Variants in SLC31A1 observed in about 807,000 individuals in gnomAD.
SLC31A1 encodes high affinity copper uptake protein 1.
A neutral mutation model predicts 17.2 loss-of-function variants in SLC31A1; 5 were observed. The ratio of observed to expected loss-of-function variants is 0.29; its 90% CI spans 0.15 to 0.61. The LOEUF is 0.61. Ranked by LOEUF, SLC31A1 falls within the 20% of genes least tolerant of loss-of-function variation. SLC31A1 has a pLI of 0.86. For synonymous variants in SLC31A1, 76 were observed against 78.8 expected (o/e 0.96, Z 0.19); for missense variants, 161 against 241.4 (o/e 0.67, Z 2.21).
chr9:113,244,792 C>T (rs1029935533), intron 1 of SLC31A1, among the ~76,000 whole-genome samples: 1 of 152,180 alleles, frequency 6.6e-6, no homozygotes, highest in Admixed American at 6.6e-5. Flanking sequence ...GGGATAACTA[C>T]TTTCCTGAGT....
chr9:113,263,557 T>C lies in SLC31A1; in HGVS notation c.*3084T>C, dbSNP rs1251498820. The C allele has an allele frequency of 1.3e-5, 2 of 152,668 alleles. No individual in the cohort carries two copies. The highest frequency in any genetic ancestry group is 4.8e-5 in the African/African-American group (2 of 41,448). The allele number at this position is 152,668 out of a possible 1,614,324, so 9.5% of individuals were successfully genotyped here. On this transcript the variant is annotated 3_prime_UTR_variant, in exon 5 of 5. Transcript: ENST00000374212. ...TGTTGTCCTTTCCCTTTTCTTTCAG[T>C]TTTTTTAATCGCATGTCTAGTATAT...
rs750649018 is a variant in SLC31A1 at position 113,256,241 on chromosome 9, C to T, written c.93C>T (p.His31=). The T allele has an allele frequency of 3.1e-6, 5 of 1,613,932 alleles. No homozygotes were observed. The Admixed American group carries it at 6.7e-5, about 22-fold the overall frequency. ...ATCACCCAACCACTTCAGCCTCACACTCCCATGGTGGAGGAGACAGCAGCA... is the reference window on the plus strand; with the variant it reads ...ATCACCCAACCACTTCAGCCTCACATTCCCATGGTGGAGGAGACAGCAGCA... ...SHHHPTTSAS[H]SHGGGDSSMM... is the part of the protein sequence containing the mutation. Residue 31 remains histidine, a synonymous_variant, in exon 2 of 5, where the codon CAC becomes CAT. Coordinates refer to ENST00000374212, the MANE Select transcript of SLC31A1 (RefSeq NM_001859.4).
intron 1 of SLC31A1, among the ~76,000 whole-genome samples, chr9:113,233,031 A>G (rs1387187083): frequency 6.6e-6 from 1 of 152,222 alleles, no homozygotes; most frequent in African/African-American, 2.4e-5. Context: ...GTTTAAGTGT[A>G]TACTGTCAAG....
intron 4 of SLC31A1, among the ~76,000 whole-genome samples, chr9:113,259,583 C>CTTTTTTTTTTT: frequency 8.0e-6 from 1 of 124,438 alleles, no homozygotes; most frequent in Non-Finnish European, 1.6e-5. Context: ...TTTTTTCTTT[C>CTTTTTTTTTTT]TTTTTTTTTT....
intron 1 of SLC31A1, among the ~76,000 whole-genome samples, chr9:113,229,369 ACT>A (rs946888786): frequency 6.6e-6 from 1 of 152,028 alleles, no homozygotes; most frequent in Admixed American, 6.6e-5. Context: ...ACATGAACAT[ACT>A]CTGTTTCCTT....
chr9:113,236,642 A>T (rs538281831), intron 1 of SLC31A1, among the ~76,000 whole-genome samples: 1 of 152,094 alleles, frequency 6.6e-6, no homozygotes, highest in East Asian at 1.9e-4. Flanking sequence ...GATTACAGGC[A>T]TGAGCCACCA....
At position 113,258,929 on chromosome 9, in the gene SLC31A1, G is replaced by T; in HGVS notation, c.371+67G>T. 1 of 1,507,184 alleles carries T rather than the reference G, an allele frequency of 6.6e-7. No individual in the cohort carries two copies. The highest frequency in any genetic ancestry group is 9.2e-7 in the Non-Finnish European group (1 of 1,082,994). The allele number at this position is 1,507,184 out of a possible 1,614,324, so 93.4% of individuals were successfully genotyped here. ...ATCAGTTAAGCAGCAAAGCGCAGCT[G>T]TGTGATCAGCAGCAGCCCTCTTCTT... On this transcript the variant is annotated intron_variant, in intron 4 of 4. Transcript: ENST00000374212. This position sits in a 1 kb window ranked among gnomAD's most constrained non-coding sequence, Gnocchi z 4.8.
At position 113,260,975 on chromosome 9, in the gene SLC31A1, C is replaced by T. The variant is rs1447065257; in HGVS notation, c.*502C>T. ...CAAACTTAACATTAGAAAATAAGGTCCAGGGCCGGACACAGTGGCCCATGC... is the reference window on the plus strand; with the variant it reads ...CAAACTTAACATTAGAAAATAAGGTTCAGGGCCGGACACAGTGGCCCATGC... On this transcript the variant is annotated 3_prime_UTR_variant, in exon 5 of 5. Transcript: ENST00000374212. The T allele has an allele frequency of 7.4e-6, 2 of 269,692 alleles. No homozygotes were observed. The highest frequency in any genetic ancestry group is 4.5e-5 in the African/African-American group (2 of 44,726). 16.7% of individuals were successfully genotyped at this position (269,692 alleles called of 1,614,324 possible).
In SLC31A1 at chr9:113,262,857, C is replaced by T. The variant is rs1267463757; in HGVS notation, c.*2384C>T. ...CTGCTATAGAATACCCTCCCAGCAA[C>T]AAAACCTAATCAGTAAGGCCAGCTA... is the stretch of plus-strand genomic sequence containing the variant. On this transcript the variant is annotated 3_prime_UTR_variant, in exon 5 of 5. Coordinates refer to ENST00000374212, the MANE Select transcript of SLC31A1 (RefSeq NM_001859.4). The T allele has an allele frequency of 2.0e-5, 3 of 152,652 alleles. No homozygotes were observed. The highest frequency in any genetic ancestry group is 4.8e-5 in the African/African-American group (2 of 41,460). The allele number at this position is 152,652 out of a possible 1,614,324, so 9.5% of individuals were successfully genotyped here. A position where few individuals can be genotyped will look rare whatever the true frequency, so the allele number is the denominator to read the frequency against.
chr9:113,239,863 C>T (rs1831502207), intron 1 of SLC31A1, among the ~76,000 whole-genome samples: 1 of 152,194 alleles, frequency 6.6e-6, no homozygotes, highest in Non-Finnish European at 1.5e-5. Context: ...GGATTACAGG[C>T]GTGAGCCACC....
intron 1 of SLC31A1, among the ~76,000 whole-genome samples, chr9:113,251,520 C>T (rs890989963): frequency 1.4e-5 from 2 of 146,888 alleles, no homozygotes; most frequent in African/African-American, 5.1e-5. Flanking sequence ...TTGGAAGAAG[C>T]TGAGCTTAAG....
intron 1 of SLC31A1, among the ~76,000 whole-genome samples, chr9:113,231,312 C>T (rs1056694927): frequency 3.3e-5 from 5 of 152,102 alleles, no homozygotes; most frequent in East Asian, 3.9e-4. Flanking sequence ...ACCTGTAATC[C>T]GAGCATTTTG....
At chr9:113,256,501 C>T (rs1034901332) in intron 2 of SLC31A1, 10 of 454,724 alleles carry the variant, frequency 2.2e-5, no homozygotes, top group Non-Finnish European at 7.8e-6. Context: ...TTTGGTGGTC[C>T]CTTCTGAAAT....
At chr9:113,244,508 A>G (rs191941300) in intron 1 of SLC31A1, among the ~76,000 whole-genome samples, 6 of 152,308 alleles carry the variant, frequency 3.9e-5, no homozygotes, top group Admixed American at 3.9e-4. Flanking sequence ...TCAGGGTCAG[A>G]AAAAAACAAG....
At chr9:113,251,144 C>T (rs1831647665) in intron 1 of SLC31A1, among the ~76,000 whole-genome samples, 1 of 152,172 alleles carries the variant, frequency 6.6e-6, no homozygotes, top group South Asian at 2.1e-4. Context: ...TAAATTTGGC[C>T]TGGCATGGTG....
intron 1 of SLC31A1, among the ~76,000 whole-genome samples, 186 bp downstream of exon 1, chr9:113,221,864 C>A (rs1045165119): frequency 3.9e-5 from 6 of 152,222 alleles, no homozygotes; most frequent in Admixed American, 3.9e-4. Flanking sequence ...TGACCTTGGG[C>A]CGGGGTGCTC....
chr9:113,252,946 C>CTTTTTT lies in SLC31A1; in HGVS notation c.-35-3166_-35-3161dup, dbSNP rs1282361795. Among the ~76,000 whole-genome samples, 122 of 113,680 alleles carry CTTTTTT rather than the reference C, an allele frequency of 1.1e-3. 3 individuals are homozygous for CTTTTTT. Among genetic ancestry groups the CTTTTTT allele is most frequent in the African/African-American group, 1.5e-3 (43 of 28,110 alleles). 74.6% of individuals were successfully genotyped at this position (113,680 alleles called of 152,430 possible). A position where few individuals can be genotyped will look rare whatever the true frequency, so the allele number is the denominator to read the frequency against. On this transcript the variant is annotated intron_variant, in intron 1 of 4. Coordinates refer to ENST00000374212, the MANE Select transcript of SLC31A1 (RefSeq NM_001859.4). ...CTGGCTAGCGAAAGTCTTTTCTTTT[C>CTTTTTT]TTTTTTTCTTTTTTTTTTTTTTTTT...
In SLC31A1 at chr9:113,230,474, G is replaced by A. The variant is rs1310165757; in HGVS notation, c.-36+8796G>A. On this transcript the variant is annotated intron_variant, in intron 1 of 4. Coordinates refer to ENST00000374212, the MANE Select transcript of SLC31A1 (RefSeq NM_001859.4). ...AGGCCTCACTATGTTGCCCGGGCTG[G>A]TCTTGAACTCCTGGACTCAAGAGAT... 2.0e-5 allele frequency among the ~76,000 whole-genome samples: 3 copies of A among 152,226 alleles called. No homozygotes were observed. In the East Asian group the frequency reaches 5.8e-4, roughly 29 times the overall value.
intron 1 of SLC31A1, among the ~76,000 whole-genome samples, chr9:113,238,229 G>A (rs1262895326): frequency 6.6e-6 from 1 of 152,168 alleles, no homozygotes. Context: ...TGTCACAACT[G>A]GGGCAATGCT....
Sources: allele counts gnomAD v4.1 joint callset (sites outside exome capture counted in the v4.1 genomes callset), GRCh38; gene constraint gnomAD v4.1.1; non-coding constraint Gnocchi (gnomAD v3.1); transcripts MANE v1.5; gene names NCBI Gene and HGNC (gene_info 2026-07-23, HGNC 2026-07-21).